Variants in DNASE1L3 observed in about 807,000 individuals in gnomAD.
The protein encoded by DNASE1L3 is deoxyribonuclease gamma.
A neutral mutation model predicts 30.9 loss-of-function variants in DNASE1L3; 27 were observed. That is an observed-to-expected ratio of 0.87 (90% confidence interval 0.64 to 1.20). The LOEUF (loss-of-function observed/expected upper bound fraction) is 1.20. Ranked by LOEUF, DNASE1L3 falls within the 50% of genes most tolerant of loss-of-function variation. DNASE1L3 has a pLI of 0.00. For synonymous variants in DNASE1L3, 135 were observed against 138.0 expected, an observed-to-expected ratio of 0.98 and a Z score of 0.15; for missense variants, 364 against 378.2, an observed-to-expected ratio of 0.96 and a Z score of 0.31.
Position 58,197,539 on chromosome 3 carries a change from A to G in DNASE1L3, c.704+282T>C, listed in dbSNP as rs2097398116. Among the ~76,000 whole-genome samples the G allele has an allele frequency of 6.6e-6, 1 of 152,088 alleles. No homozygotes were observed. The highest frequency in any genetic ancestry group is 1.5e-5 in the Non-Finnish European group (1 of 68,008). ...GCGATCCTGGCTCACTGCAGCCTCCACCTTCTGGGCTCAAGCGATCCTCCC... is the reference window on the plus strand; with the variant it reads ...GCGATCCTGGCTCACTGCAGCCTCCGCCTTCTGGGCTCAAGCGATCCTCCC... On this transcript the variant is annotated intron_variant, in intron 6 of 7. Coordinates refer to ENST00000394549, the MANE Select transcript of DNASE1L3 (RefSeq NM_004944.4). The surrounding 1 kb of genome is among the most constrained non-coding windows in gnomAD (Gnocchi z 5.3).
chr3:58,202,984 C>T (rs907724866), intron 4 of DNASE1L3, among the ~76,000 whole-genome samples: 3 of 152,222 alleles, frequency 2.0e-5, no homozygotes, highest in Non-Finnish European at 4.4e-5. Context: ...CTTCCCCCAC[C>T]GTTGGAGGAC....
At chr3:58,202,317 GTTTTTTTTTTTTTT>G (rs1171213238) in intron 4 of DNASE1L3, among the ~76,000 whole-genome samples, 3 of 48,828 alleles carry the variant, frequency 6.1e-5, no homozygotes, top group Non-Finnish European at 1.0e-4. Context: ...GGCTAGCTTT[GTTTTTTTTTTTTTT>G]TTTTTTTTTT....
chr3:58,200,966 A>G lies in DNASE1L3; in HGVS notation c.546+31T>C, dbSNP rs1249065962. 1 of 1,584,838 alleles carries G rather than the reference A, an allele frequency of 6.3e-7. No homozygotes were observed. Among genetic ancestry groups the G allele is most frequent in the Non-Finnish European group, 8.6e-7 (1 of 1,157,454 alleles). On this transcript the variant is annotated intron_variant, in intron 5 of 7. Transcript: ENST00000394549. This position sits in a 1 kb window ranked among gnomAD's most constrained non-coding sequence, Gnocchi z 4.2. ...AGGGACCAGAGCCTGCCCCTGCTAG[A>G]TGGGAATTCGTCTGACACAGCAGTC...
rs1575494535 is a variant in DNASE1L3, at chr3:58,193,500, C to T, written c.705-61G>A. On this transcript the variant is annotated intron_variant, in intron 6 of 7. Coordinates refer to ENST00000394549, the MANE Select transcript of DNASE1L3 (RefSeq NM_004944.4). ...CAACCTGTGATTGCTGAGATCAAAC[C>T]AAGGTCTGTGTTTGCTGTCTGGAAT... is the stretch of plus-strand genomic sequence containing the variant. 6 of 1,440,790 alleles carry T rather than the reference C, an allele frequency of 4.2e-6. No homozygotes were observed. The East Asian group carries it at 1.4e-4, about 33-fold the overall frequency. The allele number at this position is 1,440,790 out of a possible 1,614,324, so 89.3% of individuals were successfully genotyped here. A position where few individuals can be genotyped will look rare whatever the true frequency, so the allele number is the denominator to read the frequency against.
chr3:58,193,522 G>T, intron 6 of DNASE1L3, 83 bp from the exon 7 acceptor site: 1 of 1,243,860 alleles, frequency 8.0e-7, no homozygotes, highest in Non-Finnish European at 1.2e-6. Context: ...TTGCTGTCTG[G>T]AATTAACCGA....
At chr3:58,196,023 A>T (rs966603644) in intron 6 of DNASE1L3, among the ~76,000 whole-genome samples, 23 of 151,954 alleles carry the variant, frequency 1.5e-4, no homozygotes, top group African/African-American at 5.6e-4. Flanking sequence ...ATTTTCAATC[A>T]CTTCCCACTC....
At chr3:58,206,608 G>A (rs1018140129) in intron 2 of DNASE1L3, among the ~76,000 whole-genome samples, 10 of 152,106 alleles carry the variant, frequency 6.6e-5, no homozygotes, top group African/African-American at 1.7e-4. Context: ...CTTGGAGTCC[G>A]CGACAGTCTA....
Position 58,210,878 on chromosome 3 carries a change from A to G in DNASE1L3, c.29T>C (p.Leu10Pro). 1 of 1,614,096 alleles carries G rather than the reference A, an allele frequency of 6.2e-7. No homozygotes were observed. The highest frequency in any genetic ancestry group is 8.5e-7 in the Non-Finnish European group (1 of 1,180,030). ...GGCGCTGTGGATGGAGAGGAGGAGAAGCAGCAGTGGGGCCAGCTCCCGTGA... is the reference window on the plus strand; with the variant it reads ...GGCGCTGTGGATGGAGAGGAGGAGAGGCAGCAGTGGGGCCAGCTCCCGTGA... MSRELAPLLLLLLSIHSALA... is the reference protein window; with the variant it reads MSRELAPLLPLLLSIHSALA... The change falls in exon 1 of 8, where the codon CTT (leucine) becomes CCT (proline). Residue 10 changes from leucine (L) to proline (P), a missense_variant. Physicochemically the swap from Leu to Pro is moderately conservative, Grantham distance 98. Transcript: ENST00000394549.
Position 58,197,926 on chromosome 3 carries a change from T to C in DNASE1L3, c.599A>G (p.Lys200Arg), listed in dbSNP as rs746547903. 1 of 1,614,026 alleles carries C rather than the reference T, an allele frequency of 6.2e-7. No individual in the cohort carries two copies. The highest frequency in any genetic ancestry group is 1.7e-5 in the Admixed American group (1 of 59,970). ...FNAGCSYVPKKAWKNIRLRTD... is the reference protein window; with the variant it reads ...FNAGCSYVPKRAWKNIRLRTD... ...CCTCAAGCGGATGTTCTTCCAGGCC[T>C]TCTTGGGGACGTAGCTGCAGCCGGC... The change falls in exon 6 of 8, where the codon AAG becomes AGG. Residue 200 changes from lysine (K) to arginine (R), a missense_variant. Coordinates refer to ENST00000394549, the MANE Select transcript of DNASE1L3 (RefSeq NM_004944.4). This position sits in a 1 kb window ranked among gnomAD's most constrained non-coding sequence, Gnocchi z 5.3.
intron 6 of DNASE1L3, among the ~76,000 whole-genome samples, chr3:58,194,003 T>G (rs942612311): frequency 1.3e-5 from 2 of 152,216 alleles, no homozygotes; most frequent in African/African-American, 4.8e-5. Flanking sequence ...CATGCTAGTA[T>G]CATGAAATTT....
intron 2 of DNASE1L3, among the ~76,000 whole-genome samples, 176 bp from the exon 3 acceptor site, chr3:58,205,736 A>G (rs2097403489): frequency 6.6e-6 from 1 of 152,258 alleles, no homozygotes; most frequent in South Asian, 2.1e-4. Context: ...GGAATGTGGC[A>G]TCTGCCACGA....
At position 58,208,280 on chromosome 3, in the gene DNASE1L3, G is replaced by T. The variant is rs575541618; in HGVS notation, c.168C>A (p.Leu56=). The T allele has an allele frequency of 2.4e-5, 38 of 1,614,052 alleles. No homozygotes were observed. The highest frequency in any genetic ancestry group is 8.8e-5 in the South Asian group (8 of 91,088). The change falls in exon 2 of 8, where the codon CTC becomes CTA. Residue 56 remains leucine (L), a synonymous_variant. Coordinates refer to ENST00000394549, the MANE Select transcript of DNASE1L3 (RefSeq NM_004944.4). ...TGTTGCTGTCCTTGATTTCCATCACGAGTATGATGTCACAGCGTTTGATGA... is the reference window on the plus strand; with the variant it reads ...TGTTGCTGTCCTTGATTTCCATCACTAGTATGATGTCACAGCGTTTGATGA... ...VKVIKRCDII[L]VMEIKDSNNR... is the part of the protein sequence containing the mutation.
At chr3:58,207,737 C>G (rs2097405069) in intron 2 of DNASE1L3, 2 of 157,656 alleles carry the variant, frequency 1.3e-5, no homozygotes, top group African/African-American at 4.8e-5. Flanking sequence ...TCATGGCTCA[C>G]TATAGCCTAA....
At chr3:58,201,190 C>T in intron 4 of DNASE1L3, 81 bp from the exon 5 acceptor site, 1 of 1,067,824 alleles carries the variant, frequency 9.4e-7, no homozygotes, top group Non-Finnish European at 1.4e-6. Context: ...AACCAGCTGT[C>T]CCCTCCAGAA....
chr3:58,201,433 T>C lies in DNASE1L3; in HGVS notation c.434-324A>G, dbSNP rs1421633029. Among the ~76,000 whole-genome samples, 49 of 152,250 alleles carry C rather than the reference T, an allele frequency of 3.2e-4. 1 individual carries two copies. The highest frequency in any genetic ancestry group is 3.2e-3 in the Admixed American group (49 of 15,288). On this transcript the variant is annotated intron_variant, in intron 4 of 7. Transcript: ENST00000394549. ...AATAAATCATAAGTGTTAGAAATAA[T>C]AGTTTCCTTTAAAGACTAACTTCCT...
chr3:58,210,925 T>A lies in DNASE1L3; in HGVS notation c.-19A>T. 1 of 1,612,936 alleles carries A rather than the reference T, an allele frequency of 6.2e-7. No homozygotes were observed. Among genetic ancestry groups the A allele is most frequent in the East Asian group, 2.2e-5 (1 of 44,884 alleles). ...GTGACATCCTGGCGCTGCTCTGGCT[T>A]CAAGACTCTGTGAGAAGACAGCAGT... On this transcript the variant is annotated 5_prime_UTR_variant, in exon 1 of 8. Transcript: ENST00000394549.
In DNASE1L3 at chr3:58,200,266, ATGAT is replaced by A. The variant is rs2097399800; in HGVS notation, c.546+727_546+730del. Among the ~76,000 whole-genome samples, 1 of 152,190 alleles carries A rather than the reference ATGAT, an allele frequency of 6.6e-6. No homozygotes were observed. Among genetic ancestry groups the A allele is most frequent in the Non-Finnish European group, 1.5e-5 (1 of 68,034 alleles). Reference sequence around the variant, plus strand: ...AGAGTAGCTCAACACCCTGATCACAATGATTGGTTCAGGGATGGACACCTGACCC... The same window carrying A: ...AGAGTAGCTCAACACCCTGATCACAATGGTTCAGGGATGGACACCTGACCC... On this transcript the variant is annotated intron_variant, in intron 5 of 7. Transcript: ENST00000394549. This position sits in a 1 kb window ranked among gnomAD's most constrained non-coding sequence, Gnocchi z 4.2.
intron 4 of DNASE1L3, 25 bp downstream of exon 4, chr3:58,204,744 A>G (rs372035313): frequency 4.4e-6 from 7 of 1,608,672 alleles, no homozygotes; most frequent in Non-Finnish European, 6.0e-6. Context: ...GAGGTCCCAG[A>G]CAGAAAGGCC....
In DNASE1L3 at chr3:58,197,317, C is replaced by T. The variant is rs2097398010; in HGVS notation, c.704+504G>A. Among the ~76,000 whole-genome samples the T allele has an allele frequency of 6.6e-6, 1 of 152,198 alleles. No individual in the cohort carries two copies. Among genetic ancestry groups the T allele is most frequent in the Non-Finnish European group, 1.5e-5 (1 of 68,030 alleles). ...GGCCTATCTGATAGCGAAGCCAGTG[C>T]TTACCTCTGCTAAGCTACAGTGCCC... On this transcript the variant is annotated intron_variant, in intron 6 of 7. Transcript: ENST00000394549. The surrounding 1 kb of genome is among the most constrained non-coding windows in gnomAD (Gnocchi z 5.3).
Sources: gnomAD v4.1 joint callset for allele counts (sites outside exome capture counted in the v4.1 genomes callset) on GRCh38, gnomAD v4.1.1 for gene constraint, Gnocchi (gnomAD v3.1) non-coding constraint, MANE v1.5 for transcripts, NCBI Gene and HGNC (gene_info 2026-07-23, HGNC 2026-07-21) for gene names.